KCNT2: variants seen among roughly 807,000 people sequenced by gnomAD.
KCNT2 encodes the protein potassium sodium-activated channel subfamily T member 2, also known as potassium channel subfamily T member 2.
Under a neutral mutation model 153.8 loss-of-function variants are expected in KCNT2, and 67 were observed. The ratio of observed to expected loss-of-function variants is 0.44; its 90% confidence interval spans 0.36 to 0.53. The LOEUF is 0.53. Among genes scored for constraint, KCNT2 ranks in the 20% least tolerant of loss-of-function variants. The pLI is 0.00. For missense variants in KCNT2, 975 were observed against 1,354.8 expected (o/e 0.72, Z 4.40); for synonymous variants, 500 against 458.8 (o/e 1.09, Z -1.15).
intron 14 of KCNT2, among the ~76,000 whole-genome samples, chr1:196,358,866 G>A (rs532176344): frequency 2.6e-5 from 4 of 151,834 alleles, no homozygotes; most frequent in African/African-American, 7.2e-5. Context: ...TTCAAATTTC[G>A]AGTACAAGAT....
chr1:196,567,553 A>G (rs1368855637), intron 1 of KCNT2, among the ~76,000 whole-genome samples: 1 of 152,208 alleles, frequency 6.6e-6, no homozygotes, highest in African/African-American at 2.4e-5. Flanking sequence ...CAGAGAAGGC[A>G]TATTATTCAT....
chr1:196,517,016 A>G (rs1416965), intron 1 of KCNT2, among the ~76,000 whole-genome samples: 147,037 of 152,220 alleles, frequency 0.97, 71,217 homozygotes, highest in Middle Eastern at 1. Context: ...TAGCAGCTCT[A>G]CAACTCCTGG....
intron 14 of KCNT2, among the ~76,000 whole-genome samples, chr1:196,343,769 GTTTTT>G (rs537680792): frequency 2.7e-4 from 41 of 151,750 alleles, no homozygotes; most frequent in Non-Finnish European, 5.2e-4. Flanking sequence ...GTTTTGTTTT[GTTTTT>G]ATTTTTATTT....
intron 4 of KCNT2, among the ~76,000 whole-genome samples, chr1:196,482,089 T>G (rs1191882922): frequency 1.3e-5 from 2 of 152,110 alleles, no homozygotes; most frequent in African/African-American, 2.4e-5. Context: ...ACTTTGGTTT[T>G]CTCCAAACTC....
chr1:196,262,260 G>A (rs925845597), intron 25 of KCNT2, among the ~76,000 whole-genome samples: 3 of 151,706 alleles, frequency 2.0e-5, no homozygotes, highest in Non-Finnish European at 4.4e-5. Flanking sequence ...AATTATTCAC[G>A]TCATAGGTTA....
At chr1:196,580,470 T>C (rs1383653094) in intron 1 of KCNT2, among the ~76,000 whole-genome samples, 1 of 152,160 alleles carries the variant, frequency 6.6e-6, no homozygotes, top group Non-Finnish European at 1.5e-5. Context: ...AGAAAGGCTT[T>C]ATAGTTCTAC....
chr1:196,469,324 A>C (rs894613519), intron 5 of KCNT2, among the ~76,000 whole-genome samples: 1 of 152,192 alleles, frequency 6.6e-6, no homozygotes, highest in African/African-American at 2.4e-5. Flanking sequence ...ATTTTTTATC[A>C]AGTAATATGT....
chr1:196,493,540 G>C lies in KCNT2; in HGVS notation c.96-1199C>G, dbSNP rs548171905. Among the ~76,000 whole-genome samples, 167 of 152,170 alleles carry C rather than the reference G, an allele frequency of 1.1e-3. 1 individual carries two copies. The South Asian group carries it at 0.016, about 14-fold the overall frequency. ...TAAAGCAGTTTATTGTGTCACAAAA[G>C]CAACAGGGCATTTTTTTTAATTTTA... is the stretch of plus-strand genomic sequence containing the variant. On this transcript the variant is annotated intron_variant, in intron 1 of 27. Transcript: ENST00000294725.
intron 1 of KCNT2, among the ~76,000 whole-genome samples, chr1:196,497,217 A>C (rs1680326087): frequency 6.6e-6 from 1 of 152,208 alleles, no homozygotes; most frequent in South Asian, 2.1e-4. Context: ...AGAACAAAAA[A>C]CAACATCTGT....
At chr1:196,606,182 G>C (rs888669143) in intron 1 of KCNT2, among the ~76,000 whole-genome samples, 5 of 152,100 alleles carry the variant, frequency 3.3e-5, no homozygotes, top group Admixed American at 3.3e-4. Flanking sequence ...GTTTTATAAG[G>C]TAGACAGTAT....
chr1:196,254,013 T>A (rs1418786008), intron 26 of KCNT2, among the ~76,000 whole-genome samples: 1 of 151,458 alleles, frequency 6.6e-6, no homozygotes, highest in Non-Finnish European at 1.5e-5. Context: ...AAATTAATGC[T>A]CTAGGAAGGA....
chr1:196,236,049 C>A lies in KCNT2; in HGVS notation c.3233G>T (p.Ser1078Ile), dbSNP rs953100449. 3.1e-6 allele frequency: 5 copies of A among 1,594,952 alleles called. No individual in the cohort carries two copies. Among genetic ancestry groups the A allele is most frequent in the Non-Finnish European group, 4.3e-6 (5 of 1,163,774 alleles). ...VGYDEMNDHQ[S>I]TLSYILINPS... ...GTTAATCAGGATGTAGGAGAGGGTA[C>A]TTTGATGATCATTCATTTCATCTAG... The change falls in exon 27 of 28, where the codon AGT becomes ATT. Residue 1078 changes from serine (S) to isoleucine (I), a missense_variant. This residue lies in a region of KCNT2 where 241 missense variants were observed against 271.1 expected (regional missense o/e 0.89). Coordinates refer to ENST00000294725, the MANE Select transcript of KCNT2 (RefSeq NM_198503.5).
chr1:196,591,340 GCTTGCACAGC>G (rs2149001648), intron 1 of KCNT2, among the ~76,000 whole-genome samples: 1 of 152,158 alleles, frequency 6.6e-6, no homozygotes, highest in African/African-American at 2.4e-5. Context: ...CTGGTACCAT[GCTTGCACAGC>G]CTGAAGAACT....
intron 12 of KCNT2, among the ~76,000 whole-genome samples, chr1:196,419,470 G>A (rs1037939007): frequency 6.5e-4 from 99 of 151,208 alleles, no homozygotes; most frequent in Non-Finnish European, 1.2e-3. Context: ...TGCTGAGAAT[G>A]ATGGTTTCCA....
At chr1:196,251,326 TA>T (rs1655950086) in intron 26 of KCNT2, among the ~76,000 whole-genome samples, 1 of 152,086 alleles carries the variant, frequency 6.6e-6, no homozygotes. Context: ...ATTTTACATT[TA>T]ATCCTCATTC....
In KCNT2 at chr1:196,285,650, T is replaced by C. The variant is rs779953837; in HGVS notation, c.2697+7A>G. On this transcript the variant is annotated splice_region_variant and intron_variant, in intron 23 of 27. Transcript: ENST00000294725. ...TTTTAGAGAAAATAAAAAGAAATAT[T>C]GTATACCTGATACAGCAGAGTGTCC... 1.3e-6 allele frequency: 2 copies of C among 1,547,580 alleles called. No individual in the cohort carries two copies. The highest frequency in any genetic ancestry group is 1.8e-6 in the Non-Finnish European group (2 of 1,123,748).
intron 16 of KCNT2, 140 bp downstream of exon 16, chr1:196,340,201 C>T (rs183925834): frequency 3.7e-5 from 21 of 571,918 alleles, no homozygotes; most frequent in Non-Finnish European, 6.3e-5. Flanking sequence ...TCCTGTATAC[C>T]TAGTCATACC....
intron 12 of KCNT2, among the ~76,000 whole-genome samples, chr1:196,416,354 C>T (rs1672752089): frequency 6.6e-6 from 1 of 151,934 alleles, no homozygotes. Flanking sequence ...GCTGAGGTTG[C>T]CAAGATCTAT....
chr1:196,520,083 C>G (rs192306096), intron 1 of KCNT2, among the ~76,000 whole-genome samples: 95 of 152,216 alleles, frequency 6.2e-4, no homozygotes, highest in African/African-American at 2.2e-3. Flanking sequence ...CCAAATCCAG[C>G]AGCATATCAA....
Sources: gnomAD v4.1 joint callset for allele counts (sites outside exome capture counted in the v4.1 genomes callset) on GRCh38, gnomAD v4.1.1 for gene constraint, gnomAD v4.1.1 regional missense constraint, MANE v1.5 for transcripts, NCBI Gene and HGNC (gene_info 2026-07-23, HGNC 2026-07-21) for gene names.